The following ZNF804B variants were observed in gnomAD, a reference collection of about 807,000 sequenced individuals.
The protein encoded by ZNF804B is zinc finger protein 804B, also known as zinc finger 804B.
ZNF804B carries 80 observed loss-of-function variants against 101.4 expected under a neutral mutation model. That is an observed-to-expected ratio of 0.79 (90% CI 0.66 to 0.95). The LOEUF is 0.95. Among genes scored for constraint, ZNF804B ranks in the 40% least tolerant of loss-of-function variants. ZNF804B has a pLI of 0.00. For missense variants in ZNF804B, 1,673 were observed against 1,561.9 expected (o/e 1.07, Z -1.20); for synonymous variants, 622 against 558.8 (o/e 1.11, Z -1.59).
At chr7:89,009,992 C>A (rs1430554493) in intron 1 of ZNF804B, among the ~76,000 whole-genome samples, 1 of 152,124 alleles carries the variant, frequency 6.6e-6, no homozygotes, top group Non-Finnish European at 1.5e-5. Context: ...AGCTCTAAAT[C>A]TATCACCAAA....
At chr7:89,168,133 T>A (rs989759409) in intron 1 of ZNF804B, among the ~76,000 whole-genome samples, 3 of 152,108 alleles carry the variant, frequency 2.0e-5, no homozygotes, top group Non-Finnish European at 4.4e-5. Flanking sequence ...CCCAGTACTC[T>A]TTCTCAGAAC....
intron 1 of ZNF804B, among the ~76,000 whole-genome samples, chr7:88,880,263 T>C (rs1792012442): frequency 6.6e-6 from 1 of 152,192 alleles, no homozygotes; most frequent in South Asian, 2.1e-4. Context: ...GAATCTGCAG[T>C]TCATAATCAG....
At chr7:88,995,611 G>T (rs530115413) in intron 1 of ZNF804B, among the ~76,000 whole-genome samples, 1 of 151,740 alleles carries the variant, frequency 6.6e-6, no homozygotes, top group Non-Finnish European at 1.5e-5. Context: ...GCTAGAGTCT[G>T]GTTTTATGAC....
intron 1 of ZNF804B, among the ~76,000 whole-genome samples, chr7:88,896,774 T>C (rs1792291101): frequency 6.6e-6 from 1 of 152,200 alleles, no homozygotes; most frequent in East Asian, 1.9e-4. Context: ...ATTGCAATTA[T>C]GTGTTATGCC....
chr7:88,959,641 A>T (rs2116086637), intron 1 of ZNF804B, among the ~76,000 whole-genome samples: 1 of 151,370 alleles, frequency 6.6e-6, no homozygotes, highest in African/African-American at 2.4e-5. Flanking sequence ...ATCTGCAAGT[A>T]CTTCCCTCAT....
intron 1 of ZNF804B, among the ~76,000 whole-genome samples, chr7:89,087,749 T>C (rs530829101): frequency 6.6e-6 from 1 of 152,042 alleles, no homozygotes; most frequent in South Asian, 2.1e-4. Flanking sequence ...CTAGTAATTC[T>C]ACTTTCTACT....
chr7:89,176,574 TCTTTCTTTCTTTCTTTC>T (rs1791322522), intron 1 of ZNF804B, among the ~76,000 whole-genome samples: 1 of 116,018 alleles, frequency 8.6e-6, no homozygotes, highest in Non-Finnish European at 1.8e-5. Context: ...TTCTTTTTTT[TCTTTCTTTCTTTCTTTC>T]TTTTTTTTTT....
At chr7:89,317,766 T>C (rs545072008) in intron 2 of ZNF804B, among the ~76,000 whole-genome samples, 1 of 152,300 alleles carries the variant, frequency 6.6e-6, no homozygotes, top group East Asian at 1.9e-4. Context: ...TCTCCAGTAT[T>C]ATCACCAGAA....
chr7:89,067,653 G>C (rs930552914), intron 1 of ZNF804B, among the ~76,000 whole-genome samples: 1 of 152,028 alleles, frequency 6.6e-6, no homozygotes, highest in Non-Finnish European at 1.5e-5. Context: ...TACCTTATTA[G>C]CTGCATGTGT....
intron 1 of ZNF804B, among the ~76,000 whole-genome samples, chr7:89,094,546 T>TA (rs1789942058): frequency 6.6e-6 from 1 of 152,108 alleles, no homozygotes; most frequent in African/African-American, 2.4e-5. Flanking sequence ...ACTCACTTTT[T>TA]TAAAAAAAAA....
At chr7:89,233,080 C>G (rs996545445) in intron 2 of ZNF804B, among the ~76,000 whole-genome samples, 2 of 151,728 alleles carry the variant, frequency 1.3e-5, no homozygotes, top group African/African-American at 4.9e-5. Context: ...CGCCACCACG[C>G]CTGGCTAATT....
At chr7:89,027,440 G>C (rs1266551015) in intron 1 of ZNF804B, among the ~76,000 whole-genome samples, 2 of 152,162 alleles carry the variant, frequency 1.3e-5, no homozygotes, top group African/African-American at 4.8e-5. Flanking sequence ...TTGAGGTTGT[G>C]AGTTTAGCAT....
intron 1 of ZNF804B, among the ~76,000 whole-genome samples, chr7:88,839,604 T>C (rs780620734): frequency 2.6e-5 from 4 of 152,026 alleles, no homozygotes; most frequent in Non-Finnish European, 5.9e-5. Flanking sequence ...GATCCATCTA[T>C]AAGCTTATTT....
At chr7:88,877,056 T>A (rs1289463072) in intron 1 of ZNF804B, among the ~76,000 whole-genome samples, 183 of 60,014 alleles carry the variant, frequency 3.0e-3, no homozygotes, top group African/African-American at 0.019. Flanking sequence ...TATATTTTTT[T>A]TTTTTTTTTT....
At chr7:88,838,872 A>G (rs1323839970) in intron 1 of ZNF804B, among the ~76,000 whole-genome samples, 3 of 152,052 alleles carry the variant, frequency 2.0e-5, no homozygotes, top group Non-Finnish European at 2.9e-5. Flanking sequence ...TATACTTGTT[A>G]TAATAACTAG....
intron 1 of ZNF804B, among the ~76,000 whole-genome samples, chr7:89,013,706 G>A (rs1204577833): frequency 6.6e-6 from 1 of 152,098 alleles, no homozygotes; most frequent in Non-Finnish European, 1.5e-5. Flanking sequence ...TAGACCGTTA[G>A]AACGTAGTTC....
chr7:88,954,214 AAAGATT>A (rs1335203238), intron 1 of ZNF804B, among the ~76,000 whole-genome samples: 2 of 151,886 alleles, frequency 1.3e-5, no homozygotes, highest in Non-Finnish European at 1.5e-5. Context: ...TAAAGTGAAT[AAAGATT>A]GACTTTTTTT....
chr7:89,221,858 G>T (rs193013976), intron 2 of ZNF804B, among the ~76,000 whole-genome samples: 1 of 151,618 alleles, frequency 6.6e-6, no homozygotes, highest in Admixed American at 6.6e-5. Context: ...ACAATGATTC[G>T]GTTTCTACTG....
At chr7:89,170,085 C>T (rs1338038816) in intron 1 of ZNF804B, among the ~76,000 whole-genome samples, 1 of 152,182 alleles carries the variant, frequency 6.6e-6, no homozygotes, top group East Asian at 1.9e-4. Context: ...CTGTGCAGAT[C>T]TGTGGAATAG....
Sources: gnomAD v4.1 joint callset for allele counts (sites outside exome capture counted in the v4.1 genomes callset) on GRCh38, gnomAD v4.1.1 for gene constraint, MANE v1.5 for transcripts, NCBI Gene and HGNC (gene_info 2026-07-23, HGNC 2026-07-21) for gene names.